The following ENTPD7 variants were observed in gnomAD, a reference collection of about 807,000 sequenced individuals.
The protein encoded by ENTPD7 is NTPDase 7.
A neutral mutation model predicts 77.9 loss-of-function variants in ENTPD7; 53 were observed. That is an observed-to-expected ratio of 0.68 (90% confidence interval 0.55 to 0.85). The LOEUF (loss-of-function observed/expected upper bound fraction) is 0.85. Among genes scored for constraint, ENTPD7 ranks in the 40% least tolerant of loss-of-function variants. The pLI, the probability that ENTPD7 is intolerant of heterozygous loss-of-function variation, is 0.00. For synonymous variants in ENTPD7, 248 were observed against 274.9 expected (o/e 0.90, Z 0.97); for missense variants, 636 against 743.7 (o/e 0.86, Z 1.68).
Position 99,679,673 on chromosome 10 carries a change from T to G in ENTPD7, c.398-52T>G, listed in dbSNP as rs576202937. 11 of 1,572,286 alleles carry G rather than the reference T, an allele frequency of 7.0e-6. No homozygotes were observed. In the South Asian group the frequency reaches 1.3e-4, roughly 19 times the overall value. On this transcript the variant is annotated intron_variant, in intron 4 of 12. Coordinates refer to ENST00000370489, the MANE Select transcript of ENTPD7 (RefSeq NM_020354.5). The stretch of plus-strand genomic sequence containing the variant: ...TAGGGTATCAGTTTCCTGAGTCTTA[T>G]GTGAGCCGCTTTTTAAAGAAAGTTT...
chr10:99,678,138 A>G (rs536050167), intron 3 of ENTPD7, among the ~76,000 whole-genome samples: 57 of 152,166 alleles, frequency 3.7e-4, no homozygotes, highest in African/African-American at 1.3e-3. Flanking sequence ...TATTCTTTAT[A>G]CCCTATACAT....
intron 7 of ENTPD7, 100 bp downstream of exon 7, chr10:99,688,850 T>A: frequency 8.5e-7 from 1 of 1,171,786 alleles, no homozygotes; most frequent in East Asian, 2.4e-5. Flanking sequence ...GTTGTTTTTC[T>A]TTTTTCAAAC....
intron 2 of ENTPD7, chr10:99,660,452 A>C: frequency 1.1e-6 from 1 of 948,330 alleles, no homozygotes; most frequent in South Asian, 1.4e-5. Flanking sequence ...AAAGTTATAA[A>C]ATAAAGTGGG....
Position 99,685,896 on chromosome 10 carries a change from G to C in ENTPD7, c.652+1G>C. ...GAAGTGATCTCTGGGAAGCAGGAAG[G>C]TACTGGGCCTTAAGGGGTGCAGCTG... On this transcript the variant is annotated splice_donor_variant, in intron 6 of 12. Transcript: ENST00000370489. LOFTEE classifies it high-confidence loss of function. 2 of 1,610,538 alleles carry C rather than the reference G, an allele frequency of 1.2e-6. No individual in the cohort carries two copies. The highest frequency in any genetic ancestry group is 1.7e-6 in the Non-Finnish European group (2 of 1,177,152).
intron 3 of ENTPD7, among the ~76,000 whole-genome samples, chr10:99,666,361 C>T (rs184453077): frequency 1.2e-3 from 181 of 152,248 alleles, no homozygotes; most frequent in South Asian, 6.9e-3. Flanking sequence ...GCATGTGGCA[C>T]CATGCCCAGC....
At chr10:99,663,550 C>T (rs1419023705) in intron 3 of ENTPD7, among the ~76,000 whole-genome samples, 1 of 151,452 alleles carries the variant, frequency 6.6e-6, no homozygotes, top group Non-Finnish European at 1.5e-5. Flanking sequence ...GCCTCAATCT[C>T]CTGGGCTCAA....
Position 99,705,199 on chromosome 10 carries a change from T to A in ENTPD7, c.*516T>A. 6.3e-6 allele frequency: 1 copy of A among 159,526 alleles called. No individual in the cohort carries two copies. The highest frequency in any genetic ancestry group is 1.8e-4 in the South Asian group (1 of 5,646). The allele number at this position is 159,526 out of a possible 1,614,324, so 9.9% of individuals were successfully genotyped here. On this transcript the variant is annotated 3_prime_UTR_variant, in exon 13 of 13. Transcript: ENST00000370489. ...TGCAGTTCAATCGACCACATAGGAA[T>A]TTCCAGGCACCAAAATGATATAACT...
intron 2 of ENTPD7, chr10:99,660,429 G>C: frequency 9.7e-7 from 1 of 1,033,558 alleles, no homozygotes; most frequent in Non-Finnish European, 1.3e-6. Flanking sequence ...GGATCTACAT[G>C]CACCAATAAG....
chr10:99,711,078 G>A lies in ENTPD7; in HGVS notation c.*6395G>A. 1 of 969,848 alleles carries A rather than the reference G, an allele frequency of 1.0e-6. No homozygotes were observed. The highest frequency in any genetic ancestry group is 1.2e-6 in the Non-Finnish European group (1 of 825,324). The allele number at this position is 969,848 out of a possible 1,614,324, so 60.1% of individuals were successfully genotyped here. A position where few individuals can be genotyped will look rare whatever the true frequency, so the allele number is the denominator to read the frequency against. ...AATTCAATATTTGATATGTGTCTGG[G>A]AGTGCTGGGAATAACATAAATACAA... On this transcript the variant is annotated 3_prime_UTR_variant, in exon 13 of 13. Transcript: ENST00000370489.
In ENTPD7 at chr10:99,709,734, C is replaced by T. The variant is rs1370263090; in HGVS notation, c.*5051C>T. 32 of 985,258 alleles carry T rather than the reference C, an allele frequency of 3.2e-5. No individual in the cohort carries two copies. The highest frequency in any genetic ancestry group is 3.7e-5 in the Non-Finnish European group (31 of 829,916). 61.0% of individuals were successfully genotyped at this position (985,258 alleles called of 1,614,324 possible). A position where few individuals can be genotyped will look rare whatever the true frequency, so the allele number is the denominator to read the frequency against. ...GTTCAAGCTTCATTTTAAGCCTGCT[C>T]TGTCTACTTATCTTCCTTATATCCT... On this transcript the variant is annotated 3_prime_UTR_variant, in exon 13 of 13. Coordinates refer to ENST00000370489, the MANE Select transcript of ENTPD7 (RefSeq NM_020354.5).
rs1349565574 is a variant in ENTPD7, at chr10:99,708,756, T to C, written c.*4073T>C. ...GCTTCTGGTCAACCCCCTTGATTTA[T>C]ATGGGTGATAAAACTGAGGCCTAGA... On this transcript the variant is annotated 3_prime_UTR_variant, in exon 13 of 13. Transcript: ENST00000370489. 4.7e-6 allele frequency: 4 copies of C among 860,136 alleles called. No individual in the cohort carries two copies. In the Admixed American group the frequency reaches 1.9e-4, roughly 40 times the overall value. The allele number at this position is 860,136 out of a possible 1,614,324, so 53.3% of individuals were successfully genotyped here. A position where few individuals can be genotyped will look rare whatever the true frequency, so the allele number is the denominator to read the frequency against.
chr10:99,708,919 C>A lies in ENTPD7; in HGVS notation c.*4236C>A, dbSNP rs2036303882. 1.0e-6 allele frequency: 1 copy of A among 985,304 alleles called. No homozygotes were observed. The allele number at this position is 985,304 out of a possible 1,614,324, so 61.0% of individuals were successfully genotyped here. ...TTTTTTATAAAACAGCTGGCCACAA[C>A]TAACCATGCCCCATCTTTACAACTG... is the stretch of plus-strand genomic sequence containing the variant. On this transcript the variant is annotated 3_prime_UTR_variant, in exon 13 of 13. Transcript: ENST00000370489.
chr10:99,698,976 G>A (rs948776527), intron 10 of ENTPD7, 118 bp downstream of exon 10: 18 of 951,844 alleles, frequency 1.9e-5, no homozygotes, highest in Non-Finnish European at 2.6e-5. Context: ...GTTCTTTGCA[G>A]GAGCCCTTTG....
In ENTPD7 at chr10:99,710,422, A is replaced by G. The variant is rs1344556421; in HGVS notation, c.*5739A>G. The G allele has an allele frequency of 1.0e-6, 1 of 980,708 alleles. No homozygotes were observed. The highest frequency in any genetic ancestry group is 1.8e-5 in the African/African-American group (1 of 55,654). The allele number at this position is 980,708 out of a possible 1,614,324, so 60.8% of individuals were successfully genotyped here. ...TTGATCAATGGCCTCTGCGGAGTGT[A>G]GTGAAAGACATCTTTTTATTATGAT... is the stretch of plus-strand genomic sequence containing the variant. On this transcript the variant is annotated 3_prime_UTR_variant, in exon 13 of 13. Transcript: ENST00000370489.
chr10:99,662,331 CT>C (rs2035497768), intron 3 of ENTPD7, among the ~76,000 whole-genome samples: 1 of 151,410 alleles, frequency 6.6e-6, no homozygotes, highest in Admixed American at 6.6e-5. Context: ...TTAGATATAA[CT>C]TCTTCTTTTT....
At position 99,659,684 on chromosome 10, in the gene ENTPD7, G is replaced by A. The variant is rs2133428798; in HGVS notation, c.-96+96G>A. On this transcript the variant is annotated intron_variant, in intron 1 of 12. Transcript: ENST00000370489. This position sits in a 1 kb window ranked among gnomAD's most constrained non-coding sequence, Gnocchi z 4.1. ...ACCTGGGGACGACCGGTTCCTAGAG[G>A]ACAGAGCTGGCCCACGAGAACGCCC... 2.4e-6 allele frequency: 1 copy of A among 408,702 alleles called. No homozygotes were observed. The highest frequency in any genetic ancestry group is 3.2e-5 in the South Asian group (1 of 31,528). 25.3% of individuals were successfully genotyped at this position (408,702 alleles called of 1,614,324 possible). A position where few individuals can be genotyped will look rare whatever the true frequency, so the allele number is the denominator to read the frequency against.
chr10:99,661,419 G>T, intron 2 of ENTPD7, 27 bp from the exon 3 acceptor site: 1 of 1,571,028 alleles, frequency 6.4e-7, no homozygotes, highest in South Asian at 1.2e-5. Flanking sequence ...AAATGTTTCA[G>T]ACTTACTAAT....
rs1231484715 is a variant in ENTPD7 at position 99,708,284 on chromosome 10, C to G, written c.*3601C>G. Among the ~76,000 whole-genome samples the G allele has an allele frequency of 2.0e-5, 3 of 152,044 alleles. No homozygotes were observed. In the East Asian group the frequency reaches 5.8e-4, roughly 29 times the overall value. ...TAGGCATTAACATTTATTATCACAT[C>G]CATATTTATATTTTTGAAATAATTT... is the stretch of plus-strand genomic sequence containing the variant. On this transcript the variant is annotated 3_prime_UTR_variant, in exon 13 of 13. Coordinates refer to ENST00000370489, the MANE Select transcript of ENTPD7 (RefSeq NM_020354.5).
At chr10:99,679,693 A>C in intron 4 of ENTPD7, 32 bp from the exon 5 acceptor site, 1 of 1,589,400 alleles carries the variant, frequency 6.3e-7, no homozygotes, top group Non-Finnish European at 8.5e-7. Flanking sequence ...TTTTTAAAGA[A>C]AGTTTTGTCT....
Sources: gnomAD v4.1 joint callset for allele counts (sites outside exome capture counted in the v4.1 genomes callset) on GRCh38, gnomAD v4.1.1 for gene constraint, Gnocchi (gnomAD v3.1) non-coding constraint, MANE v1.5 for transcripts, NCBI Gene and HGNC (gene_info 2026-07-23, HGNC 2026-07-21) for gene names.